Variants in DGKB observed in about 807,000 individuals in gnomAD.
DGKB encodes the protein diacylglycerol kinase beta.
DGKB carries 67 observed loss-of-function variants against 114.3 expected under a neutral mutation model. That is an observed-to-expected ratio of 0.59 (90% CI 0.48 to 0.72). The LOEUF (loss-of-function observed/expected upper bound fraction) is 0.72. Ranked by LOEUF, DGKB falls within the 30% of genes least tolerant of loss-of-function variation. The pLI, the probability that DGKB is intolerant of heterozygous loss-of-function variation, is 0.00. For synonymous variants in DGKB, 398 were observed against 323.1 expected (o/e 1.23, Z -2.49); for missense variants, 907 against 975.2 (o/e 0.93, Z 0.93).
intron 17 of DGKB, among the ~76,000 whole-genome samples, chr7:14,593,837 A>C (rs1802097123): frequency 6.8e-6 from 1 of 147,430 alleles, no homozygotes; most frequent in Non-Finnish European, 1.5e-5. Context: ...AGAAAAAAAC[A>C]ACACAGGAGA....
At chr7:14,690,060 G>A (rs1028107397) in intron 9 of DGKB, among the ~76,000 whole-genome samples, 1 of 152,250 alleles carries the variant, frequency 6.6e-6, no homozygotes, top group East Asian at 1.9e-4. Flanking sequence ...ACAAGTTAAG[G>A]TATCGCTATT....
At chr7:14,176,971 G>T (rs550985300) in intron 24 of DGKB, 72 bp from the exon 25 acceptor site, 1 of 1,581,520 alleles carries the variant, frequency 6.3e-7, no homozygotes, top group African/African-American at 1.3e-5. Context: ...TGAGATATAA[G>T]ATGATGAGAC....
At chr7:14,745,506 A>T (rs1407138194) in intron 4 of DGKB, among the ~76,000 whole-genome samples, 1 of 152,214 alleles carries the variant, frequency 6.6e-6, no homozygotes, top group African/African-American at 2.4e-5. Context: ...TATTGAGCAC[A>T]GGGGGGCTTG....
At chr7:14,481,229 G>A (rs911043328) in intron 20 of DGKB, among the ~76,000 whole-genome samples, 6 of 151,808 alleles carry the variant, frequency 4.0e-5, no homozygotes, top group Admixed American at 2.6e-4. Context: ...TTTCTGAAAT[G>A]TATTTTTCCT....
At chr7:14,627,941 T>A (rs1194610015) in intron 14 of DGKB, among the ~76,000 whole-genome samples, 2 of 57,088 alleles carry the variant, frequency 3.5e-5, no homozygotes, top group Non-Finnish European at 7.8e-5. Flanking sequence ...AGACCTTGTC[T>A]CAAAAAAACA....
intron 1 of DGKB, among the ~76,000 whole-genome samples, chr7:14,853,630 G>A (rs1214567796): frequency 6.6e-6 from 1 of 151,850 alleles, no homozygotes; most frequent in Non-Finnish European, 1.5e-5. Context: ...GCCGAGGTGG[G>A]CGGATGACGT....
intron 4 of DGKB, among the ~76,000 whole-genome samples, chr7:14,745,685 C>A (rs918116674): frequency 9.2e-5 from 14 of 152,194 alleles, no homozygotes; most frequent in African/African-American, 3.1e-4. Context: ...CTCTTCAGCT[C>A]ATGTGTGGTG....
At chr7:14,217,686 A>T (rs898375248) in intron 23 of DGKB, among the ~76,000 whole-genome samples, 9 of 152,066 alleles carry the variant, frequency 5.9e-5, no homozygotes, top group African/African-American at 2.2e-4. Context: ...AAAAAATCAT[A>T]CGTCCACATA....
chr7:14,558,145 T>G (rs950682568), intron 20 of DGKB, among the ~76,000 whole-genome samples: 37 of 150,158 alleles, frequency 2.5e-4, no homozygotes, highest in African/African-American at 8.5e-4. Flanking sequence ...ATGATAAATA[T>G]CTATATAATA....
chr7:14,303,595 G>A (rs1416069587), intron 23 of DGKB, among the ~76,000 whole-genome samples: 1 of 151,682 alleles, frequency 6.6e-6, no homozygotes, highest in Non-Finnish European at 1.5e-5. Context: ...ACCTAGTCTT[G>A]ATCTAGTTGC....
At chr7:14,605,510 T>C (rs572459352) in intron 17 of DGKB, among the ~76,000 whole-genome samples, 42 of 151,654 alleles carry the variant, frequency 2.8e-4, no homozygotes, top group Non-Finnish European at 5.3e-4. Flanking sequence ...TGAGGAGTAG[T>C]AGTGCTCAAA....
At chr7:14,474,598 C>T (rs1339619446) in intron 21 of DGKB, among the ~76,000 whole-genome samples, 1 of 151,318 alleles carries the variant, frequency 6.6e-6, no homozygotes, top group East Asian at 1.9e-4. Flanking sequence ...TATAATTGCC[C>T]TTTTTAATGT....
chr7:14,208,063 G>C (rs1299500242), intron 23 of DGKB, among the ~76,000 whole-genome samples: 1 of 152,066 alleles, frequency 6.6e-6, no homozygotes, highest in East Asian at 1.9e-4. Flanking sequence ...ATGAGTTCTG[G>C]GTCCAGATTG....
At chr7:14,467,532 G>T (rs1487395257) in intron 21 of DGKB, among the ~76,000 whole-genome samples, 1 of 151,918 alleles carries the variant, frequency 6.6e-6, no homozygotes, top group African/African-American at 2.4e-5. Context: ...TAATTATTAT[G>T]CTGACTGAAG....
At position 14,704,539 on chromosome 7, in the gene DGKB, C is replaced by T. The variant is rs185756573; in HGVS notation, c.467-2809G>A. ...TCCGGTCTACAGCTCCCAGCGAGACCGACGCAGAAGACGGGTGATTTCTGC... is the reference window on the plus strand; with the variant it reads ...TCCGGTCTACAGCTCCCAGCGAGACTGACGCAGAAGACGGGTGATTTCTGC... On this transcript the variant is annotated intron_variant, in intron 6 of 25. Coordinates refer to ENST00000402815, the MANE Select transcript of DGKB (RefSeq NM_001350709.2). Among the ~76,000 whole-genome samples, 225 of 151,968 alleles carry T rather than the reference C, an allele frequency of 1.5e-3. 1 individual carries two copies. Among genetic ancestry groups the T allele is most frequent in the African/African-American group, 4.9e-3 (204 of 41,456 alleles).
At chr7:14,634,773 A>C (rs1485915071) in intron 13 of DGKB, among the ~76,000 whole-genome samples, 3 of 151,660 alleles carry the variant, frequency 2.0e-5, no homozygotes, top group African/African-American at 7.2e-5. Context: ...TATAAAAATT[A>C]CATATATTTT....
chr7:14,287,644 C>T (rs972023290), intron 23 of DGKB, among the ~76,000 whole-genome samples: 5 of 152,128 alleles, frequency 3.3e-5, no homozygotes, highest in African/African-American at 1.2e-4. Flanking sequence ...CAGGAATACA[C>T]AGACAACTGA....
intron 20 of DGKB, among the ~76,000 whole-genome samples, chr7:14,539,752 A>T (rs1314259623): frequency 6.6e-6 from 1 of 151,996 alleles, no homozygotes; most frequent in Non-Finnish European, 1.5e-5. Flanking sequence ...GCTCACCTTC[A>T]CATTGTTGAT....
At chr7:14,696,367 C>T (rs556464573) in intron 8 of DGKB, among the ~76,000 whole-genome samples, 7 of 151,702 alleles carry the variant, frequency 4.6e-5, no homozygotes, top group Non-Finnish European at 7.4e-5. Context: ...CGGTGGCGGG[C>T]GCCTGTAGTC....
Sources: gnomAD v4.1 joint callset for allele counts (sites outside exome capture counted in the v4.1 genomes callset) on GRCh38, gnomAD v4.1.1 for gene constraint, MANE v1.5 for transcripts, NCBI Gene and HGNC (gene_info 2026-07-23, HGNC 2026-07-21) for gene names.